The following NEURL1B variants were observed in gnomAD, a reference collection of about 807,000 sequenced individuals.
NEURL1B encodes the protein neuralized E3 ubiquitin protein ligase 1B.
Under a neutral mutation model 37.4 loss-of-function variants are expected in NEURL1B, and 13 were observed. The observed-to-expected ratio is 0.35, with a 90% CI of 0.23 to 0.55. The LOEUF (loss-of-function observed/expected upper bound fraction) is 0.55, where lower values mean the gene tolerates loss of function less well. NEURL1B is among the 20% of genes least tolerant of loss of function. NEURL1B has a pLI of 0.89. For synonymous variants in NEURL1B, 432 were observed against 426.6 expected (o/e 1.01, Z -0.16); for missense variants, 790 against 879.2 (o/e 0.90, Z 1.28).
intron 1 of NEURL1B, among the ~76,000 whole-genome samples, chr5:172,654,829 T>C (rs920530794): frequency 9.2e-5 from 14 of 152,214 alleles, no homozygotes; most frequent in Non-Finnish European, 1.3e-4. Flanking sequence ...TGGAGTGTTA[T>C]AGGGTCACGG....
At chr5:172,642,533 A>C (rs1352249192) in intron 1 of NEURL1B, among the ~76,000 whole-genome samples, 1 of 152,234 alleles carries the variant, frequency 6.6e-6, no homozygotes, top group Non-Finnish European at 1.5e-5. Context: ...GAAGAGGGAC[A>C]TATCACCCCA....
Position 172,675,440 on chromosome 5 carries a change from C to T in NEURL1B, c.577+5110C>T, listed in dbSNP as rs1405888003. On this transcript the variant is annotated intron_variant, in intron 2 of 4. Transcript: ENST00000369800. The surrounding 1 kb of genome is among the most constrained non-coding windows in gnomAD (Gnocchi z 4.7). Reference sequence around the variant, plus strand: ...GGCTGCTCTATGCTTGTTTAATGGTCTCTGGGGTACAGATCAGGAGGGGCT... The same window carrying T: ...GGCTGCTCTATGCTTGTTTAATGGTTTCTGGGGTACAGATCAGGAGGGGCT... Among the ~76,000 whole-genome samples, 1 of 152,112 alleles carries T rather than the reference C, an allele frequency of 6.6e-6. No homozygotes were observed. The highest frequency in any genetic ancestry group is 2.4e-5 in the African/African-American group (1 of 41,414).
Position 172,676,343 on chromosome 5 carries a change from G to A in NEURL1B, c.577+6013G>A, listed in dbSNP as rs1758232695. Among the ~76,000 whole-genome samples the A allele has an allele frequency of 6.6e-6, 1 of 152,132 alleles. No homozygotes were observed. The highest frequency in any genetic ancestry group is 1.5e-5 in the Non-Finnish European group (1 of 68,022). On this transcript the variant is annotated intron_variant, in intron 2 of 4. Transcript: ENST00000369800. This position sits in a 1 kb window ranked among gnomAD's most constrained non-coding sequence, Gnocchi z 4.5. ...AGCTGGACTGTCCCTTTGGGGTGGA[G>A]GAAAGGCCACCAGCATTTCCAGTCT...
At chr5:172,681,458 G>A (rs1056321591) in intron 2 of NEURL1B, among the ~76,000 whole-genome samples, 1 of 152,070 alleles carries the variant, frequency 6.6e-6, no homozygotes, top group Non-Finnish European at 1.5e-5. Flanking sequence ...TTCTTCCCTC[G>A]AGCTATGGGA....
rs533975373 is a variant in NEURL1B, at chr5:172,690,009, A to G, written c.*3084A>G. 8 of 152,336 alleles carry G rather than the reference A, an allele frequency of 5.3e-5. No homozygotes were observed. The highest frequency in any genetic ancestry group is 1.7e-4 in the African/African-American group (7 of 41,544). The allele number at this position is 152,336 out of a possible 1,614,324, so 9.4% of individuals were successfully genotyped here. On this transcript the variant is annotated 3_prime_UTR_variant, in exon 5 of 5. Coordinates refer to ENST00000369800, the MANE Select transcript of NEURL1B (RefSeq NM_001142651.3). ...TCCCACCACCTTCCTAGGCCCCGTGATCACCACCCCCTCAAGCGGGGCCCC... is the reference window on the plus strand; with the variant it reads ...TCCCACCACCTTCCTAGGCCCCGTGGTCACCACCCCCTCAAGCGGGGCCCC...
intron 1 of NEURL1B, chr5:172,656,533 A>G: frequency 1.2e-6 from 2 of 1,609,836 alleles, no homozygotes; most frequent in Non-Finnish European, 1.7e-6. Flanking sequence ...TTTTTGCCAG[A>G]TTTCTTAATT....
At chr5:172,659,075 G>C (rs1757848647) in intron 1 of NEURL1B, among the ~76,000 whole-genome samples, 1 of 132,602 alleles carries the variant, frequency 7.5e-6, no homozygotes, top group Non-Finnish European at 1.5e-5. Flanking sequence ...ACCAAGCCAG[G>C]GTATTGCTCA....
intron 1 of NEURL1B, among the ~76,000 whole-genome samples, chr5:172,667,272 T>C (rs1445668142): frequency 5.7e-5 from 1 of 17,394 alleles, no homozygotes; most frequent in Non-Finnish European, 9.7e-5. Context: ...ACCCTGTCTC[T>C]ACTAAAAAAA....
chr5:172,652,385 G>A (rs183427963), intron 1 of NEURL1B, among the ~76,000 whole-genome samples: 9 of 152,366 alleles, frequency 5.9e-5, no homozygotes, highest in Admixed American at 1.3e-4. Flanking sequence ...TTTGTTTAAC[G>A]TGCAGACGGA....
At chr5:172,677,270 C>G (rs1373296837) in intron 2 of NEURL1B, among the ~76,000 whole-genome samples, 1 of 152,156 alleles carries the variant, frequency 6.6e-6, no homozygotes, top group Non-Finnish European at 1.5e-5. Context: ...GGCAGGGTGT[C>G]CTGAAGGGTT....
At chr5:172,643,060 G>C (rs960972928) in intron 1 of NEURL1B, among the ~76,000 whole-genome samples, 4 of 152,182 alleles carry the variant, frequency 2.6e-5, no homozygotes, top group African/African-American at 7.2e-5. Flanking sequence ...ACAGACACAC[G>C]CCAGGCAGGC....
chr5:172,664,668 T>A (rs562205234), intron 1 of NEURL1B, among the ~76,000 whole-genome samples: 3 of 152,238 alleles, frequency 2.0e-5, no homozygotes, highest in Non-Finnish European at 4.4e-5. Flanking sequence ...AGGAACCACT[T>A]GCCCTGAACC....
intron 1 of NEURL1B, among the ~76,000 whole-genome samples, chr5:172,653,809 T>C (rs1757713048): frequency 6.6e-6 from 1 of 152,262 alleles, no homozygotes; most frequent in South Asian, 2.1e-4. Context: ...TTTTAAATTA[T>C]ACAACATTTC....
chr5:172,672,460 G>A (rs1758146875), intron 2 of NEURL1B, among the ~76,000 whole-genome samples: 1 of 151,824 alleles, frequency 6.6e-6, no homozygotes, highest in African/African-American at 2.4e-5. Flanking sequence ...CAGCTCAAGT[G>A]GATTCGGATT....
Position 172,690,321 on chromosome 5 carries a change from A to G in NEURL1B, c.*3396A>G, listed in dbSNP as rs1434784422. The G allele has an allele frequency of 6.6e-6, 1 of 152,254 alleles. No homozygotes were observed. Among genetic ancestry groups the G allele is most frequent in the African/African-American group, 2.4e-5 (1 of 41,458 alleles). 9.4% of individuals were successfully genotyped at this position (152,254 alleles called of 1,614,324 possible). A position where few individuals can be genotyped will look rare whatever the true frequency, so the allele number is the denominator to read the frequency against. ...GCAGCACCACGTTTCCAGTCCCTCG[A>G]TGCCACTAATCAGCATGGACTGTGT... On this transcript the variant is annotated 3_prime_UTR_variant, in exon 5 of 5. Coordinates refer to ENST00000369800, the MANE Select transcript of NEURL1B (RefSeq NM_001142651.3).
chr5:172,649,176 A>C (rs1046895140), intron 1 of NEURL1B, among the ~76,000 whole-genome samples: 1 of 152,104 alleles, frequency 6.6e-6, no homozygotes, highest in Non-Finnish European at 1.5e-5. Flanking sequence ...CTGTCACTGG[A>C]GTACACAGGT....
chr5:172,684,460 TCCGA>T (rs1758443254), intron 3 of NEURL1B, among the ~76,000 whole-genome samples: 2 of 152,132 alleles, frequency 1.3e-5, no homozygotes, highest in African/African-American at 4.8e-5. Context: ...CCGGCTTATC[TCCGA>T]GCTTGGCAGG....
rs77813823 is a variant in NEURL1B at position 172,687,132 on chromosome 5, G to A, written c.*207G>A. 25,363 of 589,136 alleles carry A rather than the reference G, an allele frequency of 0.043. 689 individuals are homozygous for A. Among genetic ancestry groups the A allele is most frequent in the Non-Finnish European group, 0.054 (18,142 of 338,094 alleles). The allele number at this position is 589,136 out of a possible 1,614,324, so 36.5% of individuals were successfully genotyped here. ...CTCCAAAGTGCTTTGCCCCCAAAAG[G>A]CCGTCCCAAGAGCAAGCTCAGGAAC... On this transcript the variant is annotated 3_prime_UTR_variant, in exon 5 of 5. Coordinates refer to ENST00000369800, the MANE Select transcript of NEURL1B (RefSeq NM_001142651.3).
Position 172,685,838 on chromosome 5 carries a change from G to A in NEURL1B, c.1298-333G>A, listed in dbSNP as rs374408161. On this transcript the variant is annotated intron_variant, in intron 3 of 4. Transcript: ENST00000369800. ...TGCAGAATTGGGTCTCGGGCCTTAC[G>A]GGGGTTATGTGCCCTTTCCTGAACC... is the stretch of plus-strand genomic sequence containing the variant. Among the ~76,000 whole-genome samples the A allele has an allele frequency of 4.6e-5, 7 of 152,282 alleles. No individual in the cohort carries two copies. In the South Asian group the frequency reaches 6.2e-4, roughly 14 times the overall value.
Sources: allele counts gnomAD v4.1 joint callset (sites outside exome capture counted in the v4.1 genomes callset), GRCh38; gene constraint gnomAD v4.1.1; non-coding constraint Gnocchi (gnomAD v3.1); transcripts MANE v1.5; gene names NCBI Gene and HGNC (gene_info 2026-07-23, HGNC 2026-07-21).